TENM4: variants seen among roughly 807,000 people sequenced by gnomAD.
TENM4 encodes teneurin-4.
A neutral mutation model predicts 243.3 loss-of-function variants in TENM4; 82 were observed. That is an observed-to-expected ratio of 0.34 (90% confidence interval 0.28 to 0.40). The LOEUF (loss-of-function observed/expected upper bound fraction) is 0.40. TENM4 is among the 10% of genes least tolerant of loss of function. TENM4 has a pLI of 1.00. For synonymous variants in TENM4, 1,412 were observed against 1,456.3 expected (o/e 0.97, Z 0.69); for missense variants, 3,138 against 3,673.3 (o/e 0.85, Z 3.77).
At chr11:79,139,016 C>A (rs191147035) in intron 4 of TENM4, among the ~76,000 whole-genome samples, 7,359 of 17,116 alleles carry the variant, frequency 0.43, 1,732 homozygotes, top group Middle Eastern at 0.75. Flanking sequence ...TATTATATTT[C>A]TATAAATATA....
At chr11:79,124,827 A>T (rs183197216) in intron 4 of TENM4, among the ~76,000 whole-genome samples, 303 of 142,124 alleles carry the variant, frequency 2.1e-3, no homozygotes, top group African/African-American at 7.3e-3. Flanking sequence ...ATGTATATGT[A>T]TGTGTGTGTA....
At chr11:78,823,306 C>T (rs767748779) in intron 12 of TENM4, among the ~76,000 whole-genome samples, 8 of 152,224 alleles carry the variant, frequency 5.3e-5, no homozygotes, top group Admixed American at 5.2e-4. Flanking sequence ...CACCTCGCCC[C>T]GTTCCCACTG....
intron 4 of TENM4, among the ~76,000 whole-genome samples, chr11:79,133,414 A>T (rs1199709342): frequency 6.6e-6 from 1 of 152,198 alleles, no homozygotes; most frequent in Non-Finnish European, 1.5e-5. Flanking sequence ...GCAGAATTCT[A>T]CCAGACAGTC....
chr11:78,809,861 T>C (rs1047179318), intron 14 of TENM4, among the ~76,000 whole-genome samples: 1 of 152,100 alleles, frequency 6.6e-6, no homozygotes, highest in Non-Finnish European at 1.5e-5. Context: ...CACAGGTCTT[T>C]CCCCCAAAAA....
At chr11:79,139,960 C>T (rs1296740924) in intron 4 of TENM4, among the ~76,000 whole-genome samples, 5 of 150,188 alleles carry the variant, frequency 3.3e-5, no homozygotes, top group East Asian at 3.9e-4. Flanking sequence ...TCCTTATGTC[C>T]GCTTACATCT....
chr11:79,178,934 A>C (rs1360055936), intron 3 of TENM4, among the ~76,000 whole-genome samples: 1 of 152,266 alleles, frequency 6.6e-6, no homozygotes, highest in Non-Finnish European at 1.5e-5. Context: ...GCTAGAAGAA[A>C]GTAGCAGAGG....
rs534811672 is a variant in TENM4 at position 79,427,875 on chromosome 11, G to A, written c.-321+12634C>T. Among the ~76,000 whole-genome samples the A allele has an allele frequency of 5.3e-5, 8 of 152,242 alleles. No homozygotes were observed. In the East Asian group the frequency reaches 7.7e-4, roughly 15 times the overall value. On this transcript the variant is annotated intron_variant, in intron 1 of 33. Transcript: ENST00000278550. Reference sequence around the variant, plus strand: ...ATACGTGGAACTGGAATCTTTCCACGGCATGATGATAATGGCCACTATTTA... The same window carrying A: ...ATACGTGGAACTGGAATCTTTCCACAGCATGATGATAATGGCCACTATTTA...
chr11:79,090,631 G>T (rs556542892), intron 4 of TENM4, among the ~76,000 whole-genome samples: 29 of 152,336 alleles, frequency 1.9e-4, no homozygotes, highest in African/African-American at 7.0e-4. Context: ...CCTGGGCTGG[G>T]ATTTGAACCC....
intron 11 of TENM4, among the ~76,000 whole-genome samples, chr11:78,854,781 C>T (rs1026401625): frequency 6.6e-6 from 1 of 152,168 alleles, no homozygotes; most frequent in African/African-American, 2.4e-5. Context: ...GTGATTGGAA[C>T]ATCAGTCATG....
chr11:78,814,494 G>A, intron 12 of TENM4, 99 bp from the exon 13 acceptor site: 1 of 945,152 alleles, frequency 1.1e-6, no homozygotes, highest in Non-Finnish European at 1.6e-6. Context: ...CCACATATTT[G>A]AGCTCTTGTG....
At chr11:78,782,071 G>A (rs532805901) in intron 16 of TENM4, among the ~76,000 whole-genome samples, 16 of 152,294 alleles carry the variant, frequency 1.1e-4, no homozygotes, top group South Asian at 1.0e-3. Flanking sequence ...TAACCATAGC[G>A]TTATCACAGG....
intron 2 of TENM4, among the ~76,000 whole-genome samples, chr11:79,219,407 A>G (rs1018980955): frequency 6.6e-6 from 1 of 152,200 alleles, no homozygotes; most frequent in African/African-American, 2.4e-5. Flanking sequence ...CTCTAGGAAG[A>G]TGAATGTGGC....
At chr11:79,425,626 T>G (rs1859032610) in intron 1 of TENM4, among the ~76,000 whole-genome samples, 1 of 152,172 alleles carries the variant, frequency 6.6e-6, no homozygotes, top group Admixed American at 6.5e-5. Context: ...CTGTTGGCAG[T>G]GTTGCTGTGC....
At chr11:79,401,770 G>T (rs989949581) in intron 1 of TENM4, among the ~76,000 whole-genome samples, 2 of 152,214 alleles carry the variant, frequency 1.3e-5, no homozygotes, top group Admixed American at 1.3e-4. Flanking sequence ...GGGGGACCAA[G>T]TCCAGGAGCC....
At chr11:79,430,195 AAAAAAAG>A (rs1406421308) in intron 1 of TENM4, among the ~76,000 whole-genome samples, 4 of 134,016 alleles carry the variant, frequency 3.0e-5, no homozygotes, top group African/African-American at 1.2e-4. Context: ...TGCGAAAAAA[AAAAAAAG>A]AAAAAAGAAA....
At chr11:78,793,801 C>T (rs1857108132) in intron 15 of TENM4, among the ~76,000 whole-genome samples, 1 of 152,158 alleles carries the variant, frequency 6.6e-6, no homozygotes, top group African/African-American at 2.4e-5. Flanking sequence ...CTCAAAGGTA[C>T]TTAGCTAGAA....
chr11:78,744,404 C>G (rs1272800707), intron 19 of TENM4, among the ~76,000 whole-genome samples: 1 of 152,230 alleles, frequency 6.6e-6, no homozygotes, highest in African/African-American at 2.4e-5. Context: ...TTCCTGATCA[C>G]CTCTTTCAAA....
chr11:79,289,874 C>T (rs1335905389), intron 2 of TENM4, among the ~76,000 whole-genome samples: 1 of 152,226 alleles, frequency 6.6e-6, no homozygotes, highest in Non-Finnish European at 1.5e-5. Flanking sequence ...CCCTTGGTGG[C>T]AAGGTAATTC....
chr11:78,760,595 C>G (rs1856408494), intron 18 of TENM4, among the ~76,000 whole-genome samples: 1 of 152,190 alleles, frequency 6.6e-6, no homozygotes, highest in Non-Finnish European at 1.5e-5. Context: ...AGCATGGGAC[C>G]CAGCATGTAT....
Sources: gnomAD v4.1 joint callset for allele counts (sites outside exome capture counted in the v4.1 genomes callset) on GRCh38, gnomAD v4.1.1 for gene constraint, MANE v1.5 for transcripts, NCBI Gene and HGNC (gene_info 2026-07-23, HGNC 2026-07-21) for gene names.